ANKRD36C: variants seen among roughly 807,000 people sequenced by gnomAD.
ANKRD36C encodes the protein ankyrin repeat domain 36C.
Under a neutral mutation model 276.4 loss-of-function variants are expected in ANKRD36C, and 61 were observed. The observed-to-expected ratio is 0.22, with a 90% CI of 0.18 to 0.27. The LOEUF is 0.27. ANKRD36C is among the 10% of genes least tolerant of loss of function. ANKRD36C has a pLI of 1.00. For missense variants in ANKRD36C, 1,447 were observed against 2,032.3 expected (o/e 0.71, Z 5.54); for synonymous variants, 483 against 680.1 (o/e 0.71, Z 4.51).
rs753972355 is a variant in ANKRD36C at position 95,927,203 on chromosome 2, T to C, written c.1939+11A>G. On this transcript the variant is annotated intron_variant, in intron 28 of 66. Coordinates refer to ENST00000456556, the Ensembl canonical transcript of ANKRD36C. Reference sequence around the variant, plus strand: ...ACTGAACATGACATTAAATGTGTTTTGCAAAATTACCTGTCCCAGATTGTT... The same window carrying C: ...ACTGAACATGACATTAAATGTGTTTCGCAAAATTACCTGTCCCAGATTGTT... 1.2e-6 allele frequency: 2 copies of C among 1,609,716 alleles called. No homozygotes were observed. The highest frequency in any genetic ancestry group is 1.7e-6 in the Non-Finnish European group (2 of 1,177,680).
At chr2:95,897,057 A>C (rs1246709767) in intron 44 of ANKRD36C, among the ~76,000 whole-genome samples, 2 of 149,690 alleles carry the variant, frequency 1.3e-5, no homozygotes, top group African/African-American at 2.5e-5. Context: ...CTTCTTCCCA[A>C]TTTCAATATG....
Position 95,902,869 on chromosome 2 carries a change from T to C in ANKRD36C, c.2654-3533A>G. On this transcript the variant is annotated intron_variant, in intron 42 of 66. Transcript: ENST00000456556. ...TATCTGGACTGAACATGACATTAAA[T>C]CTCTTTTCAAAATTACCTCTCCTAG... is the stretch of plus-strand genomic sequence containing the variant. The C allele has an allele frequency of 6.4e-7, 1 of 1,557,654 alleles. No individual in the cohort carries two copies. The highest frequency in any genetic ancestry group is 1.2e-5 in the South Asian group (1 of 86,362).
intron 16 of ANKRD36C, among the ~76,000 whole-genome samples, chr2:95,949,259 T>A (rs1169841971): frequency 6.6e-6 from 1 of 152,178 alleles, no homozygotes; most frequent in Non-Finnish European, 1.5e-5. Flanking sequence ...TTAAAAATTA[T>A]AAAATCCAAT....
chr2:95,979,107 T>C (rs888344857), intron 5 of ANKRD36C, among the ~76,000 whole-genome samples: 9 of 152,044 alleles, frequency 5.9e-5, no homozygotes, highest in African/African-American at 2.2e-4. Flanking sequence ...TACATACTAA[T>C]AAAATATTTA....
At chr2:95,966,120 G>C (rs1678585787) in intron 6 of ANKRD36C, among the ~76,000 whole-genome samples, 1 of 151,986 alleles carries the variant, frequency 6.6e-6, no homozygotes, top group Non-Finnish European at 1.5e-5. Context: ...AAAACTCAGA[G>C]GTACCCCACA....
chr2:95,918,191 A>G, intron 34 of ANKRD36C, 149 bp from the exon 37 acceptor site: 1 of 1,344,058 alleles, frequency 7.4e-7, no homozygotes, highest in Non-Finnish European at 1.0e-6. Flanking sequence ...GGACTGGAAC[A>G]TGACAGAAGT....
At chr2:95,860,671 G>A (rs540798221) in intron 60 of ANKRD36C, among the ~76,000 whole-genome samples, 1 of 152,312 alleles carries the variant, frequency 6.6e-6, no homozygotes, top group South Asian at 2.1e-4. Context: ...AACAAATATA[G>A]CAGGCCTTAC....
At chr2:95,887,173 C>A (rs1169373462) in intron 50 of ANKRD36C, among the ~76,000 whole-genome samples, 1 of 151,662 alleles carries the variant, frequency 6.6e-6, no homozygotes, top group Non-Finnish European at 1.5e-5. Context: ...CCTCTTTGAT[C>A]AATGAAGCCA....
At chr2:95,944,920 CCAG>C (rs1677996439) in intron 18 of ANKRD36C, among the ~76,000 whole-genome samples, 191 bp downstream of exon 18, 1 of 146,714 alleles carries the variant, frequency 6.8e-6, no homozygotes. Flanking sequence ...ACCTGTAATC[CCAG>C]CTACTCGGGA....
intron 6 of ANKRD36C, among the ~76,000 whole-genome samples, chr2:95,972,532 C>T (rs1341655696): frequency 2.0e-5 from 3 of 152,188 alleles, no homozygotes; most frequent in African/African-American, 7.2e-5. Context: ...TATTCTTTCA[C>T]TGTAACAAAT....
At chr2:95,892,094 T>C (rs1240674966) in intron 44 of ANKRD36C, among the ~76,000 whole-genome samples, 1 of 151,520 alleles carries the variant, frequency 6.6e-6, no homozygotes, top group African/African-American at 2.4e-5. Flanking sequence ...TTGTCATATG[T>C]CGAAAACTAA....
chr2:95,990,510 A>T (rs1166773339), intron 1 of ANKRD36C, among the ~76,000 whole-genome samples: 1 of 152,220 alleles, frequency 6.6e-6, no homozygotes, highest in Non-Finnish European at 1.5e-5. Flanking sequence ...ATATCTAGAA[A>T]GGCAAGTCTT....
chr2:95,973,059 T>C (rs1454709291), intron 6 of ANKRD36C, among the ~76,000 whole-genome samples: 2 of 151,660 alleles, frequency 1.3e-5, no homozygotes, highest in African/African-American at 4.9e-5. Context: ...GCAGTGGAGA[T>C]TGTGCCTGTG....
At chr2:95,958,409 T>G (rs1440697275) in intron 12 of ANKRD36C, among the ~76,000 whole-genome samples, 182 bp downstream of exon 12, 1 of 152,046 alleles carries the variant, frequency 6.6e-6, no homozygotes, top group Non-Finnish European at 1.5e-5. Context: ...ATCTTACTAC[T>G]CAGATCATGG....
At chr2:95,913,603 C>T (rs898007655) in intron 40 of ANKRD36C, among the ~76,000 whole-genome samples, 3 of 151,348 alleles carry the variant, frequency 2.0e-5, no homozygotes, top group Non-Finnish European at 3.0e-5. Flanking sequence ...TCAGCAGAAA[C>T]CCCAAAATTA....
chr2:95,930,802 C>T (rs79026132), intron 24 of ANKRD36C, among the ~76,000 whole-genome samples: 2 of 150,074 alleles, frequency 1.3e-5, no homozygotes, highest in Admixed American at 6.6e-5. Flanking sequence ...AAATAACTAC[C>T]TCAGCAAACA....
At chr2:95,865,929 T>G (rs1257153941) in intron 60 of ANKRD36C, among the ~76,000 whole-genome samples, 1 of 151,968 alleles carries the variant, frequency 6.6e-6, no homozygotes, top group Non-Finnish European at 1.5e-5. Context: ...TTCCCACAAT[T>G]TGGGGAGCAC....
chr2:95,980,895 A>T, intron 4 of ANKRD36C, 110 bp from the exon 5 acceptor site: 1 of 1,406,014 alleles, frequency 7.1e-7, no homozygotes, highest in South Asian at 1.6e-5. Context: ...ACCCAATTAC[A>T]TGTACTAAGA....
rs976181439 is a variant in ANKRD36C at position 95,965,319 on chromosome 2, G to A, written c.800-2772C>T. 1.2e-4 allele frequency among the ~76,000 whole-genome samples: 19 copies of A among 152,058 alleles called. No individual in the cohort carries two copies. The East Asian group carries it at 2.1e-3, about 17-fold the overall frequency. On this transcript the variant is annotated intron_variant, in intron 6 of 66. Coordinates refer to ENST00000456556, the Ensembl canonical transcript of ANKRD36C. ...AGGGCCTATTTGTCATTTGACATCC[G>A]GGAACACTCTATAGGGATCAACAAA...
Sources: gnomAD v4.1 joint callset for allele counts (sites outside exome capture counted in the v4.1 genomes callset) on GRCh38, gnomAD v4.1.1 for gene constraint, MANE v1.5 for transcripts, NCBI Gene and HGNC (gene_info 2026-07-23, HGNC 2026-07-21) for gene names.